The following SH2B2 variants were observed in gnomAD, a reference collection of about 807,000 sequenced individuals.
SH2B2 encodes SH2B adaptor protein 2.
In SH2B2, 37 loss-of-function variants were observed where a neutral mutation model predicts 35.7. The observed-to-expected ratio is 1.04, with a 90% CI of 0.80 to 1.36. SH2B2 has a LOEUF of 1.36. Among genes scored for constraint, SH2B2 ranks in the 40% most tolerant of loss-of-function variants. The pLI is 0.00. For synonymous variants in SH2B2, 383 were observed against 376.4 expected, an observed-to-expected ratio of 1.02 and a Z score of -0.20; for missense variants, 852 against 817.7, an observed-to-expected ratio of 1.04 and a Z score of -0.51.
At chr7:102,291,996 T>C (rs1306594539) in intron 1 of SH2B2, among the ~76,000 whole-genome samples, 2 of 151,620 alleles carry the variant, frequency 1.3e-5, no homozygotes, top group African/African-American at 4.9e-5. Context: ...ACAGCAGGAT[T>C]GAAGGAGCCT....
intron 1 of SH2B2, among the ~76,000 whole-genome samples, chr7:102,288,778 A>G (rs1323716749): frequency 6.6e-6 from 1 of 152,110 alleles, no homozygotes; most frequent in Non-Finnish European, 1.5e-5. Flanking sequence ...TAGTGCTATT[A>G]TTATCCCCAC....
chr7:102,320,219 C>A, intron 7 of SH2B2, 112 bp from the exon 8 acceptor site: 1 of 905,076 alleles, frequency 1.1e-6, no homozygotes, highest in Non-Finnish European at 1.7e-6. Flanking sequence ...CCGGCCCTGA[C>A]ACAGCCCCAT....
At chr7:102,301,311 G>A in intron 2 of SH2B2, 32 bp downstream of exon 2, 3 of 1,576,400 alleles carry the variant, frequency 1.9e-6, no homozygotes, top group Admixed American at 1.8e-5. Context: ...CCTAGCCTGG[G>A]GGGACCAGAG....
intron 2 of SH2B2, among the ~76,000 whole-genome samples, chr7:102,306,335 C>T (rs886178905): frequency 0.016 from 2,487 of 151,852 alleles, 69 homozygotes; most frequent in African/African-American, 0.056. Context: ...GTGATCCGCC[C>T]GCCTCGGCCT....
At chr7:102,295,133 C>T (rs1792851376) in intron 1 of SH2B2, among the ~76,000 whole-genome samples, 1 of 152,176 alleles carries the variant, frequency 6.6e-6, no homozygotes, top group Admixed American at 6.5e-5. Flanking sequence ...TTCCTCCAGC[C>T]AGGAGGAAGA....
chr7:102,317,430 G>A lies in SH2B2; in HGVS notation c.1395+35G>A, dbSNP rs529000086. ...TGGGGGGCGCCATGGGGGTGCAGTG[G>A]CCAGCCCTGAGGGAGAGGGGTCATG... On this transcript the variant is annotated intron_variant, in intron 7 of 8. Coordinates refer to ENST00000444095, the MANE Select transcript of SH2B2 (RefSeq NM_001359228.2). 7 of 1,518,610 alleles carry A rather than the reference G, an allele frequency of 4.6e-6. No individual in the cohort carries two copies. The South Asian group carries it at 7.7e-5, about 17-fold the overall frequency. 94.1% of individuals were successfully genotyped at this position (1,518,610 alleles called of 1,614,324 possible).
chr7:102,294,217 G>A (rs540533684), intron 1 of SH2B2, among the ~76,000 whole-genome samples: 38 of 152,090 alleles, frequency 2.5e-4, no homozygotes, highest in African/African-American at 6.3e-4. Context: ...TAGTAGAGAC[G>A]GGGTTTCACC....
intron 1 of SH2B2, among the ~76,000 whole-genome samples, chr7:102,298,864 G>GT (rs1793022456): frequency 6.7e-6 from 1 of 148,836 alleles, no homozygotes; most frequent in Non-Finnish European, 1.5e-5. Context: ...GTAAGCCAAT[G>GT]TGCCCGGCCA....
In SH2B2 at chr7:102,300,744, T is replaced by G. The variant is rs1793127639; in HGVS notation, c.194T>G (p.Phe65Cys). The change falls in exon 2 of 9, where the codon TTC (phenylalanine) becomes TGC (cysteine). Residue 65 changes from phenylalanine to cysteine, a missense_variant. Physicochemically the swap from Phe to Cys is radical, Grantham distance 205. Coordinates refer to ENST00000444095, the MANE Select transcript of SH2B2 (RefSeq NM_001359228.2). ...PDAGASFSRHFAANFLDVFGE... is the reference protein window; with the variant it reads ...PDAGASFSRHCAANFLDVFGE... ...GCCGGCGCCTCCTTCTCCCGCCACT[T>G]CGCCGCCAACTTCCTGGACGTCTTC... 2 of 1,540,234 alleles carry G rather than the reference T, an allele frequency of 1.3e-6. No individual in the cohort carries two copies. The highest frequency in any genetic ancestry group is 2.0e-5 in the Admixed American group (1 of 50,138).
rs1271151529 is a variant in SH2B2, at chr7:102,321,479, C to G, written c.1748C>G (p.Pro583Arg). 13 of 1,182,626 alleles carry G rather than the reference C, an allele frequency of 1.1e-5. No individual in the cohort carries two copies. The highest frequency in any genetic ancestry group is 1.6e-5 in the African/African-American group (1 of 61,528). 73.3% of individuals were successfully genotyped at this position (1,182,626 alleles called of 1,614,324 possible). The change falls in exon 9 of 9, where the codon CCG becomes CGG. Residue 583 changes from proline (P) to arginine (R), a missense_variant. Pro to Arg is a moderately radical substitution (Grantham distance 103, BLOSUM62 -2). Coordinates refer to ENST00000444095, the MANE Select transcript of SH2B2 (RefSeq NM_001359228.2). ...TCTGCCGCGTCGGGGCCCGCCCCCC[C>G]GCGCCCCGTCGAGGGCCAGCTCAGC... ...SSSAASGPAPPRPVEGQLSAR... is the reference protein window; with the variant it reads ...SSSAASGPAPRRPVEGQLSAR...
At chr7:102,292,848 C>T (rs1586565927) in intron 1 of SH2B2, among the ~76,000 whole-genome samples, 1 of 152,182 alleles carries the variant, frequency 6.6e-6, no homozygotes, top group African/African-American at 2.4e-5. Flanking sequence ...GCTCTGAGGA[C>T]GGAGCTAAGT....
intron 3 of SH2B2, 138 bp downstream of exon 3, chr7:102,306,960 G>A: frequency 1.5e-6 from 1 of 688,000 alleles, no homozygotes; most frequent in Non-Finnish European, 2.6e-6. Flanking sequence ...GGTGTGGGGG[G>A]TTCCCAGACC....
At chr7:102,320,211 G>A (rs1156815830) in intron 7 of SH2B2, 120 bp from the exon 8 acceptor site, 14 of 827,596 alleles carry the variant, frequency 1.7e-5, no homozygotes, top group South Asian at 3.4e-5. Flanking sequence ...AGGGGCCCCC[G>A]GCCCTGACAC....
intron 1 of SH2B2, among the ~76,000 whole-genome samples, chr7:102,290,621 T>A (rs1287117610): frequency 6.6e-6 from 1 of 152,200 alleles, no homozygotes; most frequent in Non-Finnish European, 1.5e-5. Flanking sequence ...TGACACACAG[T>A]GGGAGCTCAC....
Position 102,306,946 on chromosome 7 carries a change from C to A in SH2B2, c.831+124C>A, listed in dbSNP as rs150192717. 3.8e-3 allele frequency: 2,888 copies of A among 750,800 alleles called. 21 individuals are homozygous for A. The Middle Eastern group carries it at 0.044, about 11-fold the overall frequency. The allele number at this position is 750,800 out of a possible 1,614,324, so 46.5% of individuals were successfully genotyped here. On this transcript the variant is annotated intron_variant, in intron 3 of 8. Transcript: ENST00000444095. The stretch of plus-strand genomic sequence containing the variant: ...AAGGCAGGACAGTAGTGGGAGGGAG[C>A]CCTGGTGTGGGGGGTTCCCAGACCC...
intron 2 of SH2B2, among the ~76,000 whole-genome samples, chr7:102,302,523 GC>G (rs1376046112): frequency 1.3e-5 from 2 of 152,200 alleles, no homozygotes; most frequent in Non-Finnish European, 2.9e-5. Context: ...CTCCAAGGTG[GC>G]CCCCCTGCTT....
intron 6 of SH2B2, among the ~76,000 whole-genome samples, chr7:102,315,143 C>G (rs1273501954): frequency 6.6e-6 from 1 of 150,944 alleles, no homozygotes; most frequent in African/African-American, 2.4e-5. Context: ...GAGCCAAGAT[C>G]ACGCCACTGC....
At chr7:102,304,380 C>T (rs1554554478) in intron 2 of SH2B2, among the ~76,000 whole-genome samples, 1 of 152,190 alleles carries the variant, frequency 6.6e-6, no homozygotes. Flanking sequence ...CAGGCCAAGC[C>T]CTGGGGACCC....
chr7:102,303,754 G>A lies in SH2B2; in HGVS notation c.729+2475G>A, dbSNP rs1272671442. 3.3e-5 allele frequency among the ~76,000 whole-genome samples: 5 copies of A among 152,232 alleles called. No homozygotes were observed. In the South Asian group the frequency reaches 6.2e-4, roughly 19 times the overall value. ...TACCCGGGGTCACCCAGAGGGCAGG[G>A]ACAGAAGCCCAGGGCTCCAGTGCCT... On this transcript the variant is annotated intron_variant, in intron 2 of 8. Coordinates refer to ENST00000444095, the MANE Select transcript of SH2B2 (RefSeq NM_001359228.2).
Sources: allele counts gnomAD v4.1 joint callset (sites outside exome capture counted in the v4.1 genomes callset), GRCh38; gene constraint gnomAD v4.1.1; transcripts MANE v1.5; gene names NCBI Gene and HGNC (gene_info 2026-07-23, HGNC 2026-07-21).